SPON1: variants seen among roughly 807,000 people sequenced by gnomAD.
SPON1 encodes spondin-1.
In SPON1, 52 loss-of-function variants were observed where a neutral mutation model predicts 111.7. The ratio of observed to expected loss-of-function variants is 0.47; its 90% confidence interval spans 0.37 to 0.59. SPON1 has a LOEUF of 0.59. SPON1 is among the 20% of genes least tolerant of loss of function. The pLI, the probability that SPON1 is intolerant of heterozygous loss-of-function variation, is 0.00. For synonymous variants in SPON1, 410 were observed against 395.8 expected, an observed-to-expected ratio of 1.04 and a Z score of -0.43; for missense variants, 957 against 1,068.5, an observed-to-expected ratio of 0.90 and a Z score of 1.46.
chr11:14,169,675 C>A (rs1480551286), intron 6 of SPON1, among the ~76,000 whole-genome samples: 12 of 152,010 alleles, frequency 7.9e-5, no homozygotes, highest in Non-Finnish European at 1.3e-4. Context: ...TAATTTTTGT[C>A]TAAGGTGTAA....
chr11:14,248,988 G>A (rs1554940460), intron 7 of SPON1, among the ~76,000 whole-genome samples: 1 of 152,230 alleles, frequency 6.6e-6, no homozygotes, highest in African/African-American at 2.4e-5. Context: ...TGCCTAAGTA[G>A]AAAATGCCCA....
At chr11:13,974,701 A>G (rs1219117481) in intron 1 of SPON1, among the ~76,000 whole-genome samples, 3 of 152,176 alleles carry the variant, frequency 2.0e-5, no homozygotes, top group Non-Finnish European at 2.9e-5. Flanking sequence ...TTCAATAATT[A>G]CACAACCTCC....
chr11:14,249,161 G>A (rs1461085951), intron 7 of SPON1, among the ~76,000 whole-genome samples: 1 of 152,128 alleles, frequency 6.6e-6, no homozygotes, highest in African/African-American at 2.4e-5. Context: ...CCACTCTGCC[G>A]GATTAACATT....
chr11:14,058,523 T>C lies in SPON1; in HGVS notation c.480-16822T>C, dbSNP rs566695473. Among the ~76,000 whole-genome samples, 10 of 151,834 alleles carry C rather than the reference T, an allele frequency of 6.6e-5. No homozygotes were observed. In the South Asian group the frequency reaches 2.1e-3, roughly 32 times the overall value. On this transcript the variant is annotated intron_variant, in intron 3 of 15. Transcript: ENST00000576479. ...AGATGAAGGGAAGCAGCGGAAACAGTGTGGGATTGTCCCTAGACCAGAGAA... is the reference window on the plus strand; with the variant it reads ...AGATGAAGGGAAGCAGCGGAAACAGCGTGGGATTGTCCCTAGACCAGAGAA...
chr11:14,103,025 GT>G (rs1849155921), intron 5 of SPON1, among the ~76,000 whole-genome samples: 1 of 152,092 alleles, frequency 6.6e-6, no homozygotes, highest in East Asian at 1.9e-4. Context: ...GTGGTCTTCT[GT>G]TTCTGTGGTG....
At position 14,254,788 on chromosome 11, in the gene SPON1, C is replaced by G. The variant is rs368513917; in HGVS notation, c.1092+59C>G. On this transcript the variant is annotated intron_variant, in intron 8 of 15. Coordinates refer to ENST00000576479, the MANE Select transcript of SPON1 (RefSeq NM_006108.4). ...CTTGCCTACCCGCTTCCTGAGTGTC[C>G]TGGACACAGAGGGGATCTGTCCCAG... The G allele has an allele frequency of 3.6e-5, 56 of 1,537,666 alleles. 1 individual carries two copies. In the South Asian group the frequency reaches 6.0e-4, roughly 16 times the overall value.
intron 6 of SPON1, among the ~76,000 whole-genome samples, chr11:14,229,167 G>T (rs1031367126): frequency 3.9e-5 from 6 of 152,172 alleles, no homozygotes; most frequent in Non-Finnish European, 8.8e-5. Flanking sequence ...TAATATTTGG[G>T]AATAAAAACT....
intron 1 of SPON1, among the ~76,000 whole-genome samples, chr11:13,963,533 C>T (rs1164722207): frequency 3.3e-5 from 5 of 152,166 alleles, no homozygotes; most frequent in African/African-American, 1.2e-4. Flanking sequence ...TTCTCTTGGT[C>T]GGGTCCCGGG....
chr11:13,964,733 C>T (rs1238724600), intron 1 of SPON1, among the ~76,000 whole-genome samples: 2 of 152,130 alleles, frequency 1.3e-5, no homozygotes, highest in Non-Finnish European at 2.9e-5. Context: ...CGAGCCGCGC[C>T]GACGGGCGGC....
At chr11:14,177,761 A>G (rs1282005562) in intron 6 of SPON1, among the ~76,000 whole-genome samples, 1 of 152,196 alleles carries the variant, frequency 6.6e-6, no homozygotes, top group Non-Finnish European at 1.5e-5. Flanking sequence ...TGTTTAAACT[A>G]TAGACTATAA....
intron 3 of SPON1, among the ~76,000 whole-genome samples, chr11:14,057,551 A>G (rs182312943): frequency 3.5e-4 from 53 of 152,326 alleles, no homozygotes; most frequent in African/African-American, 1.2e-3. Context: ...TTGTGGTTAA[A>G]TGGGAGAATA....
intron 6 of SPON1, among the ~76,000 whole-genome samples, chr11:14,163,698 C>A (rs562014684): frequency 6.6e-6 from 1 of 152,272 alleles, no homozygotes; most frequent in African/African-American, 2.4e-5. Context: ...AGAAAAATGA[C>A]AAAGGCTTCA....
intron 2 of SPON1, among the ~76,000 whole-genome samples, chr11:14,013,880 T>A (rs1200822561): frequency 1.1e-4 from 17 of 152,208 alleles, no homozygotes; most frequent in Non-Finnish European, 2.5e-4. Context: ...CATACAGCAA[T>A]GATTTCCCAA....
chr11:14,057,845 AAAAC>A (rs1564895410), intron 3 of SPON1, among the ~76,000 whole-genome samples: 2 of 104,278 alleles, frequency 1.9e-5, no homozygotes, highest in Non-Finnish European at 2.4e-5. Flanking sequence ...AAAAAAAAAC[AAAAC>A]AAAAACTTAA....
intron 2 of SPON1, among the ~76,000 whole-genome samples, chr11:14,031,728 T>A (rs1848560546): frequency 6.6e-6 from 1 of 152,080 alleles, no homozygotes; most frequent in African/African-American, 2.4e-5. Flanking sequence ...TTTAAATCAA[T>A]AAGGGCAAAA....
At chr11:14,003,455 GC>G (rs1186771883) in intron 2 of SPON1, among the ~76,000 whole-genome samples, 1 of 152,146 alleles carries the variant, frequency 6.6e-6, no homozygotes, top group Non-Finnish European at 1.5e-5. Flanking sequence ...CAGGGATGGG[GC>G]CAGTTTCTTT....
At chr11:14,161,237 T>TTATATATATCTATATATTTACATATTTA (rs200834992) in intron 6 of SPON1, among the ~76,000 whole-genome samples, 1 of 52,688 alleles carries the variant, frequency 1.9e-5, no homozygotes, top group East Asian at 5.1e-4. Context: ...ATTTATATAT[T>TTATATATATCTATATATTTACATATTTA]TATATATCTA....
At chr11:14,047,766 A>T (rs1376683852) in intron 3 of SPON1, among the ~76,000 whole-genome samples, 1 of 152,210 alleles carries the variant, frequency 6.6e-6, no homozygotes, top group Non-Finnish European at 1.5e-5. Context: ...GCAGCCCTAG[A>T]AGACAGTAGA....
At position 14,259,342 on chromosome 11, in the gene SPON1, A is replaced by C; in HGVS notation, c.1555A>C (p.Met519Leu). 1 of 1,613,118 alleles carries C rather than the reference A, an allele frequency of 6.2e-7. No homozygotes were observed. Among genetic ancestry groups the C allele is most frequent in the Non-Finnish European group, 8.5e-7 (1 of 1,179,650 alleles). ...TWSPCSISCG[M>L]GMRSRERYVK... ...GTCGCCCTGCAGCATCTCCTGCGGC[A>C]TGGGCATGAGGTCCCGGGAGAGGTA... The change falls in exon 12 of 16, where the codon ATG becomes CTG. Residue 519 changes from methionine to leucine, a missense_variant. Coordinates refer to ENST00000576479, the MANE Select transcript of SPON1 (RefSeq NM_006108.4). This position sits in a 1 kb window ranked among gnomAD's most constrained non-coding sequence, Gnocchi z 5.0.
Sources: gnomAD v4.1 joint callset for allele counts (sites outside exome capture counted in the v4.1 genomes callset) on GRCh38, gnomAD v4.1.1 for gene constraint, Gnocchi (gnomAD v3.1) non-coding constraint, MANE v1.5 for transcripts, NCBI Gene and HGNC (gene_info 2026-07-23, HGNC 2026-07-21) for gene names.